STAG1: variants seen among roughly 807,000 people sequenced by gnomAD.
STAG1 encodes STAG1 cohesin complex component.
Under a neutral mutation model 170.9 loss-of-function variants are expected in STAG1, and 26 were observed. The ratio of observed to expected loss-of-function variants is 0.15; its 90% CI spans 0.11 to 0.21. STAG1 has a LOEUF of 0.21. STAG1 is among the 10% of genes least tolerant of loss of function. The pLI, the probability that STAG1 is intolerant of heterozygous loss-of-function variation, is 1.00. For missense variants in STAG1, 964 were observed against 1,509.5 expected (o/e 0.64, Z 5.99); for synonymous variants, 514 against 497.7 (o/e 1.03, Z -0.44).
intron 14 of STAG1, among the ~76,000 whole-genome samples, chr3:136,448,668 G>T (rs2088853328): frequency 6.6e-6 from 1 of 152,162 alleles, no homozygotes; most frequent in South Asian, 2.1e-4. Flanking sequence ...GCTGGGGACA[G>T]TGCTTCACGC....
chr3:136,339,219 C>T (rs557965927), intron 32 of STAG1, among the ~76,000 whole-genome samples: 1 of 152,274 alleles, frequency 6.6e-6, no homozygotes, highest in East Asian at 1.9e-4. Flanking sequence ...CATCTCAGGA[C>T]TTCTAGCTTC....
chr3:136,460,391 C>G (rs906208321), intron 13 of STAG1, among the ~76,000 whole-genome samples: 1 of 152,138 alleles, frequency 6.6e-6, no homozygotes, highest in African/African-American at 2.4e-5. Context: ...CACCTGAGGT[C>G]AGGAGTTTGA....
intron 7 of STAG1, among the ~76,000 whole-genome samples, chr3:136,503,884 C>G (rs1016056254): frequency 6.6e-6 from 1 of 151,974 alleles, no homozygotes; most frequent in Non-Finnish European, 1.5e-5. Flanking sequence ...TACAGACATG[C>G]ACCACCACGC....
At position 136,338,292 on chromosome 3, in the gene STAG1, A is replaced by G. The variant is rs1192828808; in HGVS notation, c.3754-15T>C. Reference sequence around the variant, plus strand: ...ATTCCAAATCCCTAGAAAAATGATGAGAAACATAATTATTAATTTCATGCA... The same window carrying G: ...ATTCCAAATCCCTAGAAAAATGATGGGAAACATAATTATTAATTTCATGCA... On this transcript the variant is annotated splice_polypyrimidine_tract_variant and intron_variant, in intron 33 of 33. Transcript: ENST00000383202. 2.2e-5 allele frequency: 36 copies of G among 1,603,020 alleles called. No individual in the cohort carries two copies. The highest frequency in any genetic ancestry group is 3.1e-5 in the Non-Finnish European group (36 of 1,170,970).
At position 136,359,325 on chromosome 3, in the gene STAG1, C is replaced by T. The variant is rs776999232; in HGVS notation, c.2788-29G>A. The T allele has an allele frequency of 4.0e-6, 6 of 1,508,878 alleles. No homozygotes were observed. In the East Asian group the frequency reaches 1.4e-4, roughly 35 times the overall value. 93.5% of individuals were successfully genotyped at this position (1,508,878 alleles called of 1,614,324 possible). The stretch of plus-strand genomic sequence containing the variant: ...ATAGAAAGAAAAAAAGAAGAAAAAA[C>T]CTATAGCTCAGAATTTTAAACAGTT... On this transcript the variant is annotated intron_variant, in intron 26 of 33. Transcript: ENST00000383202.
chr3:136,396,427 T>A (rs1437803743), intron 22 of STAG1, among the ~76,000 whole-genome samples: 1 of 146,920 alleles, frequency 6.8e-6, no homozygotes, highest in Non-Finnish European at 1.5e-5. Context: ...ACTACTGTGT[T>A]AGCCAGGATG....
At chr3:136,536,350 A>T (rs1935623577) in intron 6 of STAG1, among the ~76,000 whole-genome samples, 2 of 152,204 alleles carry the variant, frequency 1.3e-5, no homozygotes, top group Non-Finnish European at 2.9e-5. Flanking sequence ...AGGGTTGTCC[A>T]AACTGAAAAA....
chr3:136,737,037 T>C (rs1404062920), intron 1 of STAG1: 1 of 1,469,456 alleles, frequency 6.8e-7, no homozygotes, highest in African/African-American at 1.4e-5. Context: ...TTTCTTCATC[T>C]GTAACTTCAG....
chr3:136,465,061 C>A (rs1229005194), intron 12 of STAG1, 73 bp from the exon 13 acceptor site: 2 of 1,140,732 alleles, frequency 1.8e-6, no homozygotes, highest in East Asian at 5.2e-5. Context: ...TTTAAACTTG[C>A]TAAAGTTCAT....
Position 136,433,671 on chromosome 3 carries a change from C to A in STAG1, c.1547-12G>T. On this transcript the variant is annotated splice_polypyrimidine_tract_variant and intron_variant, in intron 15 of 33. Transcript: ENST00000383202. ...ACGATCAGACATTGCTAAGGTAAAA[C>A]AAAATACATGAGCATGAGTAGACAG... 6.4e-7 allele frequency: 1 copy of A among 1,567,850 alleles called. No individual in the cohort carries two copies. Among genetic ancestry groups the A allele is most frequent in the East Asian group, 2.3e-5 (1 of 44,248 alleles).
chr3:136,419,283 G>A (rs1435911272), intron 20 of STAG1, among the ~76,000 whole-genome samples: 1 of 152,058 alleles, frequency 6.6e-6, no homozygotes, highest in African/African-American at 2.4e-5. Context: ...CTTAGATTTT[G>A]GAAACTGCTT....
rs926225238 is a variant in STAG1, at chr3:136,388,658, C to A, written c.2277+10091G>T. Among the ~76,000 whole-genome samples the A allele has an allele frequency of 3.3e-5, 5 of 152,196 alleles. No individual in the cohort carries two copies. The East Asian group carries it at 7.8e-4, about 24-fold the overall frequency. On this transcript the variant is annotated intron_variant, in intron 22 of 33. Transcript: ENST00000383202. ...CTGAAATTACAGGCATCAGCCACCG[C>A]ACCTGGCAGGGAGCTACTTACATAG...
chr3:136,338,517 G>A, intron 32 of STAG1, 67 bp from the exon 33 acceptor site: 1 of 1,182,712 alleles, frequency 8.5e-7, no homozygotes, highest in Middle Eastern at 2.1e-4. Context: ...GTGATAATCA[G>A]CTAATATTTC....
intron 1 of STAG1, among the ~76,000 whole-genome samples, chr3:136,751,971 T>C (rs1389599383): frequency 6.7e-6 from 1 of 150,324 alleles, no homozygotes; most frequent in Non-Finnish European, 1.5e-5. Context: ...CCCACAGACG[T>C]CTCTCCGGGC....
chr3:136,674,421 T>C (rs924590909), intron 1 of STAG1, among the ~76,000 whole-genome samples: 13 of 152,198 alleles, frequency 8.5e-5, no homozygotes, highest in African/African-American at 3.1e-4. Flanking sequence ...TATGATTCCA[T>C]CTATGTGAAA....
At chr3:136,391,517 C>G (rs1332614016) in intron 22 of STAG1, among the ~76,000 whole-genome samples, 1 of 152,080 alleles carries the variant, frequency 6.6e-6, no homozygotes, top group Non-Finnish European at 1.5e-5. Flanking sequence ...GCTGGGACTA[C>G]AGGCGCACGC....
intron 20 of STAG1, among the ~76,000 whole-genome samples, chr3:136,419,661 C>T (rs556535725): frequency 1.3e-5 from 2 of 148,660 alleles, no homozygotes; most frequent in Admixed American, 6.7e-5. Flanking sequence ...TGGGGTTTTG[C>T]CATCTTGGCC....
intron 22 of STAG1, among the ~76,000 whole-genome samples, chr3:136,396,318 G>A (rs916731386): frequency 4.1e-5 from 6 of 147,692 alleles, no homozygotes; most frequent in African/African-American, 7.5e-5. Flanking sequence ...CCTGGGCTCC[G>A]GCCATTCTCC....
At chr3:136,347,806 T>C (rs1936290051) in intron 29 of STAG1, among the ~76,000 whole-genome samples, 1 of 152,230 alleles carries the variant, frequency 6.6e-6, no homozygotes, top group Non-Finnish European at 1.5e-5. Flanking sequence ...AAGTAGTTTA[T>C]TTGTAGTATC....
Sources: gnomAD v4.1 joint callset for allele counts (sites outside exome capture counted in the v4.1 genomes callset) on GRCh38, gnomAD v4.1.1 for gene constraint, MANE v1.5 for transcripts, NCBI Gene and HGNC (gene_info 2026-07-23, HGNC 2026-07-21) for gene names.